Variants in DNAH11 observed in about 807,000 individuals in gnomAD.
The protein encoded by DNAH11 is axonemal beta dynein heavy chain 11.
Under a neutral mutation model 526.0 loss-of-function variants are expected in DNAH11, and 442 were observed. The observed-to-expected ratio is 0.84, with a 90% CI of 0.78 to 0.91. The LOEUF is 0.91. Among genes scored for constraint, DNAH11 ranks in the 40% least tolerant of loss-of-function variants. DNAH11 has a pLI of 0.00. For synonymous variants in DNAH11, 2,461 were observed against 1,935.9 expected (o/e 1.27, Z -7.12); for missense variants, 6,989 against 5,448.7 (o/e 1.28, Z -8.90).
chr7:21,740,159 C>G (rs1785814774), intron 48 of DNAH11, among the ~76,000 whole-genome samples: 1 of 152,114 alleles, frequency 6.6e-6, no homozygotes, highest in East Asian at 1.9e-4. Flanking sequence ...ATTCCTCTCT[C>G]TTTTCCCTCT....
At chr7:21,583,047 A>G (rs186424027) in intron 9 of DNAH11, among the ~76,000 whole-genome samples, 1 of 152,334 alleles carries the variant, frequency 6.6e-6, no homozygotes, top group East Asian at 1.9e-4. Flanking sequence ...ATCCCCATCA[A>G]GCTACCACTG....
chr7:21,779,052 A>T lies in DNAH11; in HGVS notation c.9431A>T (p.Gln3144Leu), dbSNP rs749422740. The T allele has an allele frequency of 1.2e-6, 2 of 1,613,472 alleles. No individual in the cohort carries two copies. Among genetic ancestry groups the T allele is most frequent in the East Asian group, 2.2e-5 (1 of 44,832 alleles). ...AEALITKIGL[Q>L]TEKVSREKTI... ...GCTCTGATCACAAAGATCGGCCTTC[A>T]GACGGAGAAAGTGAGCCGGGAAAAG... The change falls in exon 57 of 82, where the codon CAG becomes CTG. Residue 3144 changes from glutamine to leucine, a missense_variant. Coordinates refer to ENST00000409508, the MANE Select transcript of DNAH11 (RefSeq NM_001277115.2).
intron 65 of DNAH11, among the ~76,000 whole-genome samples, chr7:21,824,153 C>G (rs1236614778): frequency 6.6e-6 from 1 of 152,024 alleles, no homozygotes; most frequent in Admixed American, 6.5e-5. Flanking sequence ...TAGTTGCATC[C>G]TAGGAGGAGT....
intron 74 of DNAH11, among the ~76,000 whole-genome samples, chr7:21,879,380 C>G (rs1211094609): frequency 6.6e-6 from 1 of 151,912 alleles, no homozygotes; most frequent in Non-Finnish European, 1.5e-5. Flanking sequence ...TCGCCTGAAC[C>G]CTGGAGGCGG....
chr7:21,589,756 C>G (rs977978714), intron 12 of DNAH11, among the ~76,000 whole-genome samples: 5 of 152,098 alleles, frequency 3.3e-5, no homozygotes, highest in African/African-American at 4.8e-5. Context: ...AATCATTTGT[C>G]TTTGCCGGAC....
At chr7:21,788,718 T>C (rs57111797) in intron 60 of DNAH11, among the ~76,000 whole-genome samples, 2,017 of 152,264 alleles carry the variant, frequency 0.013, 52 homozygotes, top group African/African-American at 0.045. Flanking sequence ...CCTTTCTGTG[T>C]TGAGAATTTT....
At chr7:21,582,098 C>T (rs576258235) in intron 9 of DNAH11, 77 bp downstream of exon 9, 4 of 911,750 alleles carry the variant, frequency 4.4e-6, no homozygotes, top group Admixed American at 3.8e-5. Flanking sequence ...GGTGAATTCT[C>T]ATTCAGGTAG....
chr7:21,705,568 A>T, intron 39 of DNAH11, 31 bp downstream of exon 39: 1 of 1,601,188 alleles, frequency 6.2e-7, no homozygotes, highest in Non-Finnish European at 8.6e-7. Context: ...GCTTACAGCT[A>T]TGGAAAGAAC....
rs763264851 is a variant in DNAH11, at chr7:21,901,098, C to G, written c.13395C>G (p.Thr4465=). 2 of 1,613,474 alleles carry G rather than the reference C, an allele frequency of 1.2e-6. No homozygotes were observed. Among genetic ancestry groups the G allele is most frequent in the African/African-American group, 1.3e-5 (1 of 74,904 alleles). The part of the protein sequence containing the change: ...CPMPVIFAKA[T]PVDRQETKQT... ...TGCCGGTCATCTTTGCAAAAGCCAC[C>G]CCCGTGGACAGACAAGAAACCAAAC... Residue 4465 remains threonine (T), a synonymous_variant, in exon 82 of 82, where the codon ACC becomes ACG. Transcript: ENST00000409508.
At chr7:21,663,445 A>C (rs1341618754) in intron 30 of DNAH11, among the ~76,000 whole-genome samples, 5 of 152,044 alleles carry the variant, frequency 3.3e-5, no homozygotes, top group Admixed American at 3.3e-4. Flanking sequence ...CTCACGAAGA[A>C]TGTATAAGAG....
chr7:21,740,940 A>C (rs905969064), intron 48 of DNAH11, among the ~76,000 whole-genome samples: 1 of 152,140 alleles, frequency 6.6e-6, no homozygotes, highest in Non-Finnish European at 1.5e-5. Context: ...AGTGTGAGGC[A>C]GTATCTCATA....
Position 21,564,274 on chromosome 7 carries a change from A to G in DNAH11, c.1071A>G (p.Thr357=), listed in dbSNP as rs1026108125. ...QCLQETEFPQ[T]RILIAPLFHT... ...TCCAGGAGACGGAATTCCCACAGAC[A>G]CGCATATTAATCGCTCCATTATTTC... The change falls in exon 6 of 82, where the codon ACA becomes ACG. Residue 357 remains threonine, a synonymous_variant. Transcript: ENST00000409508. The G allele has an allele frequency of 4.3e-6, 7 of 1,613,758 alleles. No individual in the cohort carries two copies. In the African/African-American group the frequency reaches 5.3e-5, roughly 12 times the overall value.
At chr7:21,723,424 A>G (rs1784959659) in intron 44 of DNAH11, among the ~76,000 whole-genome samples, 1 of 152,186 alleles carries the variant, frequency 6.6e-6, no homozygotes, top group African/African-American at 2.4e-5. Context: ...CCAACCTCCA[A>G]AACAAGTTTC....
At position 21,818,330 on chromosome 7, in the gene DNAH11, A is replaced by C. The variant is rs1407279347; in HGVS notation, c.10682A>C (p.Lys3561Thr). ...CCACTACTTGGCAGGAACACAATTA[A>C]AAAAGGAAAGTAAGTATTCTTGAAT... The part of the protein sequence containing the change: ...LDPLLGRNTI[K>T]KGKYIRIGDK... Residue 3561 changes from lysine to threonine, a missense_variant, in exon 65 of 82, where the codon AAA becomes ACA. Transcript: ENST00000409508. 1 of 1,605,600 alleles carries C rather than the reference A, an allele frequency of 6.2e-7. No homozygotes were observed. Among genetic ancestry groups the C allele is most frequent in the Admixed American group, 1.7e-5 (1 of 57,982 alleles).
chr7:21,634,512 A>G (rs957267948), intron 25 of DNAH11, among the ~76,000 whole-genome samples: 3 of 152,228 alleles, frequency 2.0e-5, no homozygotes, highest in African/African-American at 7.2e-5. Context: ...AGTAGAGGTC[A>G]TTGTACTCAG....
chr7:21,568,514 T>G (rs1783760619), intron 6 of DNAH11, among the ~76,000 whole-genome samples: 1 of 152,128 alleles, frequency 6.6e-6, no homozygotes, highest in African/African-American at 2.4e-5. Context: ...CGGGTCATGC[T>G]TTTTCCTTCA....
intron 27 of DNAH11, 48 bp from the exon 28 acceptor site, chr7:21,638,891 A>G (rs969457571): frequency 1.9e-6 from 3 of 1,558,148 alleles, no homozygotes; most frequent in African/African-American, 2.8e-5. Context: ...CGAAGTTTTA[A>G]TGACTGAAGG....
At position 21,599,916 on chromosome 7, in the gene DNAH11, A is replaced by C; in HGVS notation, c.2797A>C (p.Asn933His). The change falls in exon 15 of 82, where the codon AAT becomes CAT. Residue 933 changes from asparagine (N) to histidine (H), a missense_variant. By Grantham distance (68) the Asn-to-His change is moderately conservative. Transcript: ENST00000409508. ...IMHDLDFFLKNTEKQLKPAPF... is the reference protein window; with the variant it reads ...IMHDLDFFLKHTEKQLKPAPF... ...GCACGACTTAGACTTCTTTCTGAAG[A>C]ATACAGAGAAACAATTGAAACCGGC... The C allele has an allele frequency of 6.2e-7, 1 of 1,613,706 alleles. No homozygotes were observed. Among genetic ancestry groups the C allele is most frequent in the Non-Finnish European group, 8.5e-7 (1 of 1,179,788 alleles).
At chr7:21,891,541 C>T (rs1438119761) in intron 76 of DNAH11, among the ~76,000 whole-genome samples, 1 of 152,154 alleles carries the variant, frequency 6.6e-6, no homozygotes, top group Non-Finnish European at 1.5e-5. Context: ...GACTCAGGCT[C>T]ATAAATTCTT....
Sources: allele counts gnomAD v4.1 joint callset (sites outside exome capture counted in the v4.1 genomes callset), GRCh38; gene constraint gnomAD v4.1.1; transcripts MANE v1.5; gene names NCBI Gene and HGNC (gene_info 2026-07-23, HGNC 2026-07-21).